OTUD7A: variants seen among roughly 807,000 people sequenced by gnomAD.
The protein encoded by OTUD7A is OTU domain-containing protein 7A.
Under a neutral mutation model 65.7 loss-of-function variants are expected in OTUD7A, and 12 were observed. That is an observed-to-expected ratio of 0.18 (90% confidence interval 0.12 to 0.30). The LOEUF is 0.30. Ranked by LOEUF, OTUD7A falls within the 10% of genes least tolerant of loss-of-function variation. The pLI is 1.00. For missense variants in OTUD7A, 1,148 were observed against 1,304.8 expected (o/e 0.88, Z 1.85); for synonymous variants, 641 against 586.3 (o/e 1.09, Z -1.35).
At chr15:31,551,978 A>G (rs945272127) in intron 5 of OTUD7A, among the ~76,000 whole-genome samples, 2 of 152,130 alleles carry the variant, frequency 1.3e-5, no homozygotes, top group Non-Finnish European at 2.9e-5. Flanking sequence ...GTGATCCCCA[A>G]TGTTGAGGGG....
chr15:31,767,543 C>T (rs1187565034), intron 1 of OTUD7A: 18 of 776,324 alleles, frequency 2.3e-5, no homozygotes, highest in Admixed American at 6.9e-5. Flanking sequence ...TTGTATTGGC[C>T]CCATTATATA....
chr15:31,843,670 GT>G (rs371580098), intron 1 of OTUD7A, among the ~76,000 whole-genome samples: 94 of 152,280 alleles, frequency 6.2e-4, no homozygotes, highest in African/African-American at 2.1e-3. Flanking sequence ...CACAGTCATT[GT>G]TTTTGGTCTG....
chr15:31,827,898 G>A (rs1896837317), intron 1 of OTUD7A, among the ~76,000 whole-genome samples: 2 of 152,012 alleles, frequency 1.3e-5, no homozygotes, highest in Non-Finnish European at 2.9e-5. Context: ...TCACACCACT[G>A]CACTCCAGCC....
intron 1 of OTUD7A, among the ~76,000 whole-genome samples, chr15:31,668,315 A>G (rs1476792644): frequency 1.3e-5 from 2 of 152,148 alleles, no homozygotes; most frequent in Non-Finnish European, 2.9e-5. Flanking sequence ...ACATAGTCCC[A>G]GCCTTCTTGG....
chr15:31,745,832 C>T (rs1337455933), intron 1 of OTUD7A, among the ~76,000 whole-genome samples: 2 of 151,904 alleles, frequency 1.3e-5, no homozygotes, highest in African/African-American at 4.8e-5. Context: ...CCTATGGCAA[C>T]AATGAAAAGG....
At chr15:31,651,831 G>A (rs1247960928) in intron 3 of OTUD7A, among the ~76,000 whole-genome samples, 1 of 151,812 alleles carries the variant, frequency 6.6e-6, no homozygotes, top group African/African-American at 2.4e-5. Context: ...AAATGTTGAC[G>A]AAAGAACTTA....
intron 1 of OTUD7A, among the ~76,000 whole-genome samples, chr15:31,860,321 T>C (rs1897685034): frequency 1.3e-5 from 2 of 152,152 alleles, no homozygotes; most frequent in South Asian, 4.1e-4. Context: ...ATGAAATGTT[T>C]CAAATTTTAT....
intron 3 of OTUD7A, among the ~76,000 whole-genome samples, chr15:31,617,845 T>C (rs1890641512): frequency 6.6e-6 from 1 of 152,194 alleles, no homozygotes; most frequent in African/African-American, 2.4e-5. Flanking sequence ...TTGTTACATA[T>C]GTATACATGT....
At chr15:31,734,682 T>C (rs1306998616) in intron 1 of OTUD7A, among the ~76,000 whole-genome samples, 1 of 151,952 alleles carries the variant, frequency 6.6e-6, no homozygotes. Context: ...TAAGTGGTGC[T>C]GGGATAACTG....
In OTUD7A at chr15:31,476,163, C is replaced by A. The variant is rs1326233319; in HGVS notation, c.*7131G>T. 3 of 152,272 alleles carry A rather than the reference C, an allele frequency of 2.0e-5. No homozygotes were observed. The highest frequency in any genetic ancestry group is 7.2e-5 in the African/African-American group (3 of 41,466). 9.4% of individuals were successfully genotyped at this position (152,272 alleles called of 1,614,324 possible). ...GCGCCTTTACTTGTAGGACTAAGAG[C>A]CCAGCCTTTCCCACCTGGGGGCCCA... On this transcript the variant is annotated 3_prime_UTR_variant, in exon 13 of 13. Transcript: ENST00000307050.
chr15:31,652,086 C>T (rs1891856702), intron 3 of OTUD7A, among the ~76,000 whole-genome samples: 2 of 151,346 alleles, frequency 1.3e-5, no homozygotes, highest in South Asian at 2.1e-4. Flanking sequence ...TTTTAAGACT[C>T]ATTACAAAGC....
At chr15:31,644,312 T>G (rs1264787470) in intron 3 of OTUD7A, among the ~76,000 whole-genome samples, 1 of 152,114 alleles carries the variant, frequency 6.6e-6, no homozygotes, top group Non-Finnish European at 1.5e-5. Flanking sequence ...TTTTGCCTAA[T>G]AAACTTCTGC....
chr15:31,717,516 T>C (rs552999658), intron 1 of OTUD7A, among the ~76,000 whole-genome samples: 2 of 152,324 alleles, frequency 1.3e-5, no homozygotes, highest in African/African-American at 4.8e-5. Context: ...CTGTGTTAGT[T>C]TGCTGAAAAT....
chr15:31,504,973 C>T (rs1171914879), intron 8 of OTUD7A, among the ~76,000 whole-genome samples: 2 of 151,948 alleles, frequency 1.3e-5, no homozygotes, highest in East Asian at 3.8e-4. Context: ...TCAATGCAAC[C>T]TGCTTGAAAT....
At chr15:31,809,235 T>C (rs1355286976) in intron 1 of OTUD7A, among the ~76,000 whole-genome samples, 1 of 152,218 alleles carries the variant, frequency 6.6e-6, no homozygotes, top group Non-Finnish European at 1.5e-5. Context: ...GAATCTGGTA[T>C]CCTTTCACCA....
chr15:31,716,836 C>A (rs926913502), intron 1 of OTUD7A, among the ~76,000 whole-genome samples: 7 of 152,284 alleles, frequency 4.6e-5, no homozygotes, highest in Admixed American at 1.3e-4. Flanking sequence ...TGCCCAGAGG[C>A]CTTCACCGTG....
At chr15:31,793,231 C>T (rs1002794956) in intron 1 of OTUD7A, among the ~76,000 whole-genome samples, 12 of 152,190 alleles carry the variant, frequency 7.9e-5, no homozygotes, top group Admixed American at 2.6e-4. Flanking sequence ...TCAGGAGTCT[C>T]TGGCCTCTTC....
chr15:31,761,760 A>G (rs1236957956), intron 1 of OTUD7A, among the ~76,000 whole-genome samples: 1 of 152,226 alleles, frequency 6.6e-6, no homozygotes, highest in Admixed American at 6.5e-5. Flanking sequence ...AAACCCAAAT[A>G]TCCATCAACT....
At chr15:31,804,086 A>T (rs905434) in intron 1 of OTUD7A, among the ~76,000 whole-genome samples, 51,787 of 151,998 alleles carry the variant, frequency 0.34, 9,291 homozygotes, top group South Asian at 0.56. Context: ...TAATCAATTT[A>T]ATCATTACAC....
Sources: allele counts gnomAD v4.1 joint callset (sites outside exome capture counted in the v4.1 genomes callset), GRCh38; gene constraint gnomAD v4.1.1; transcripts MANE v1.5; gene names NCBI Gene and HGNC (gene_info 2026-07-23, HGNC 2026-07-21).